The following ADGRV1 variants were observed in gnomAD, a reference collection of about 807,000 sequenced individuals.
ADGRV1 encodes adhesion G protein-coupled receptor V1.
In ADGRV1, 359 loss-of-function variants were observed where a neutral mutation model predicts 596.2. That is an observed-to-expected ratio of 0.60 (90% CI 0.55 to 0.66). ADGRV1 has a LOEUF of 0.66. ADGRV1 is among the 30% of genes least tolerant of loss of function. ADGRV1 has a pLI of 0.00. For synonymous variants in ADGRV1, 2,681 were observed against 2,679.2 expected (o/e 1.00, Z -0.02); for missense variants, 7,274 against 7,575.6 (o/e 0.96, Z 1.48).
chr5:90,617,682 C>T (rs894628470), intron 2 of ADGRV1, 122 bp from the exon 3 acceptor site: 3 of 754,510 alleles, frequency 4.0e-6, no homozygotes, highest in African/African-American at 3.6e-5. Context: ...TTTGTACACC[C>T]TATCTATAAA....
intron 59 of ADGRV1, among the ~76,000 whole-genome samples, chr5:90,772,894 C>T (rs565840481): frequency 1.5e-4 from 23 of 152,210 alleles, no homozygotes; most frequent in East Asian, 3.9e-4. Flanking sequence ...AGTCTGATAG[C>T]GGTGGCTCAT....
At chr5:90,720,410 C>T (rs577695988) in intron 44 of ADGRV1, among the ~76,000 whole-genome samples, 187 bp downstream of exon 44, 1 of 152,290 alleles carries the variant, frequency 6.6e-6, no homozygotes, top group East Asian at 1.9e-4. Flanking sequence ...AAAACCTAAA[C>T]TCACCCTGTT....
chr5:91,033,835 G>T (rs1022641644), intron 85 of ADGRV1, among the ~76,000 whole-genome samples: 1 of 152,026 alleles, frequency 6.6e-6, no homozygotes, highest in East Asian at 1.9e-4. Context: ...AGGGATGGGG[G>T]ATTCTTACAC....
chr5:91,153,573 G>C (rs1277774647), intron 89 of ADGRV1, among the ~76,000 whole-genome samples, 175 bp downstream of exon 89: 1 of 152,222 alleles, frequency 6.6e-6, no homozygotes, highest in East Asian at 1.9e-4. Flanking sequence ...GGCACCAAAT[G>C]TAAGACAACC....
intron 84 of ADGRV1, among the ~76,000 whole-genome samples, chr5:90,978,357 C>T (rs1779802647): frequency 6.6e-6 from 1 of 151,804 alleles, no homozygotes; most frequent in East Asian, 1.9e-4. Flanking sequence ...AAACTATTAC[C>T]TTCAACGTTT....
At chr5:90,874,766 G>T (rs544283812) in intron 83 of ADGRV1, among the ~76,000 whole-genome samples, 40 of 152,026 alleles carry the variant, frequency 2.6e-4, no homozygotes, top group Non-Finnish European at 2.1e-4. Context: ...GCTGAGGCAG[G>T]CGAATGGCGT....
intron 54 of ADGRV1, among the ~76,000 whole-genome samples, chr5:90,754,565 T>G (rs116015506): frequency 0.022 from 3,308 of 152,308 alleles, 111 homozygotes; most frequent in African/African-American, 0.075. Flanking sequence ...AAAATCACTC[T>G]TAATGATTAG....
intron 17 of ADGRV1, among the ~76,000 whole-genome samples, chr5:90,648,554 G>A (rs1272142914): frequency 2.0e-5 from 3 of 152,186 alleles, no homozygotes; most frequent in Non-Finnish European, 4.4e-5. Context: ...ACCCCCAGTG[G>A]AATGCCAACG....
chr5:91,088,244 C>T (rs559620567), intron 86 of ADGRV1, among the ~76,000 whole-genome samples: 1 of 152,192 alleles, frequency 6.6e-6, no homozygotes, highest in African/African-American at 2.4e-5. Flanking sequence ...TTCTTATACT[C>T]ATTGAATTAT....
chr5:90,797,678 T>C (rs897714755), intron 70 of ADGRV1, among the ~76,000 whole-genome samples: 6 of 152,196 alleles, frequency 3.9e-5, no homozygotes, highest in African/African-American at 1.4e-4. Flanking sequence ...ATATATCTTC[T>C]TCTCAGCACC....
intron 82 of ADGRV1, among the ~76,000 whole-genome samples, chr5:90,857,389 TA>T (rs879317324): frequency 1.3e-3 from 190 of 141,392 alleles, no homozygotes; most frequent in Middle Eastern, 3.6e-3. Context: ...AGACTGAATA[TA>T]AAAAAAAAAA....
chr5:90,761,731 G>A (rs1756533221), intron 58 of ADGRV1, among the ~76,000 whole-genome samples: 1 of 152,154 alleles, frequency 6.6e-6, no homozygotes, highest in South Asian at 2.1e-4. Flanking sequence ...GGAAGATTTA[G>A]GTTACCCAAT....
chr5:90,937,437 T>C (rs374519897), intron 83 of ADGRV1, among the ~76,000 whole-genome samples: 39 of 150,974 alleles, frequency 2.6e-4, no homozygotes, highest in African/African-American at 9.0e-4. Context: ...ATTGTATCTT[T>C]TAATTGCAGT....
At chr5:91,096,749 A>G (rs756896897) in intron 86 of ADGRV1, among the ~76,000 whole-genome samples, 15 of 152,156 alleles carry the variant, frequency 9.9e-5, no homozygotes, top group Non-Finnish European at 1.6e-4. Context: ...AAACCATTTT[A>G]AGTGTACACT....
chr5:90,729,573 A>AT, intron 49 of ADGRV1, 69 bp from the exon 50 acceptor site: 1 of 1,169,750 alleles, frequency 8.5e-7, no homozygotes, highest in Non-Finnish European at 1.2e-6. Flanking sequence ...TTATAGTTTT[A>AT]TTATGTAATT....
rs541377960 is a variant in ADGRV1 at position 90,667,901 on chromosome 5, T to C, written c.4753-4645T>C. Among the ~76,000 whole-genome samples the C allele has an allele frequency of 1.3e-4, 20 of 151,860 alleles. 1 individual carries two copies. The highest frequency in any genetic ancestry group is 4.2e-4 in the South Asian group (2 of 4,810). On this transcript the variant is annotated intron_variant, in intron 21 of 89. Transcript: ENST00000405460. ...GTGTCAGTGTGCCCCTGTTGGGGGG[T>C]GCCTCCCAGTTAGGCTGCTCGGGGG...
intron 78 of ADGRV1, among the ~76,000 whole-genome samples, chr5:90,844,369 C>T (rs6890101): frequency 0.34 from 51,391 of 151,936 alleles, 9,734 homozygotes; most frequent in Non-Finnish European, 0.44. Context: ...CTCAATAAAT[C>T]TTAAGTAATA....
intron 88 of ADGRV1, 76 bp downstream of exon 88, chr5:91,150,297 GTGTC>G (rs1795943955): frequency 1.7e-6 from 2 of 1,159,712 alleles, no homozygotes; most frequent in African/African-American, 1.6e-5. Flanking sequence ...CTCTCTCTCT[GTGTC>G]TGTCTGTCTC....
At chr5:90,868,048 A>G (rs1432373952) in intron 83 of ADGRV1, among the ~76,000 whole-genome samples, 5 of 152,154 alleles carry the variant, frequency 3.3e-5, no homozygotes, top group Non-Finnish European at 5.9e-5. Context: ...TAGCAAGGAA[A>G]GTGTTTCCTA....
Sources: gnomAD v4.1 joint callset for allele counts (sites outside exome capture counted in the v4.1 genomes callset) on GRCh38, gnomAD v4.1.1 for gene constraint, MANE v1.5 for transcripts, NCBI Gene and HGNC (gene_info 2026-07-23, HGNC 2026-07-21) for gene names.